The following PLGRKT variants were observed in gnomAD, a reference collection of about 807,000 sequenced individuals.
PLGRKT encodes plasminogen receptor with a C-terminal lysine, also known as plasminogen receptor (KT).
A neutral mutation model predicts 18.5 loss-of-function variants in PLGRKT; 22 were observed. That is an observed-to-expected ratio of 1.19 (90% CI 0.85 to 1.70). The LOEUF is 1.70. Ranked by LOEUF, PLGRKT falls within the 40% of genes most tolerant of loss-of-function variation. The probability of loss-of-function intolerance (pLI) is 0.00; values close to 1 mark genes in which losing one functional copy is unlikely to be tolerated. For missense variants in PLGRKT, 235 were observed against 174.4 expected, an observed-to-expected ratio of 1.35 and a Z score of -1.96; for synonymous variants, 72 against 52.8, an observed-to-expected ratio of 1.36 and a Z score of -1.58.
At chr9:5,411,171 G>T (rs946430449) in intron 3 of PLGRKT, among the ~76,000 whole-genome samples, 40 of 151,988 alleles carry the variant, frequency 2.6e-4, no homozygotes, top group Admixed American at 2.6e-3. Flanking sequence ...ACCACCTGAG[G>T]TCGGGAGTTT....
At chr9:5,432,011 T>A in intron 2 of PLGRKT, 28 bp from the exon 3 acceptor site, 1 of 963,134 alleles carries the variant, frequency 1.0e-6, no homozygotes, top group Non-Finnish European at 1.7e-6. Context: ...CAAGGAGACT[T>A]ATAATAATAC....
intron 3 of PLGRKT, among the ~76,000 whole-genome samples, chr9:5,393,540 T>A (rs181739215): frequency 2.0e-5 from 3 of 152,030 alleles, no homozygotes; most frequent in African/African-American, 7.3e-5. Context: ...TTAGTCATTT[T>A]ACTCAGCAAC....
chr9:5,433,957 G>C (rs914981516), intron 2 of PLGRKT, among the ~76,000 whole-genome samples: 1 of 123,800 alleles, frequency 8.1e-6, no homozygotes, highest in Middle Eastern at 7.9e-3. Context: ...CGCCCCGTCT[G>C]GGAGGAAGTG....
chr9:5,403,224 CT>C (rs34557029), intron 3 of PLGRKT, among the ~76,000 whole-genome samples: 268 of 135,108 alleles, frequency 2.0e-3, no homozygotes, highest in Middle Eastern at 3.7e-3. Context: ...ATTCTTTTTT[CT>C]TTTTTTTTTT....
rs144869987 is a variant in PLGRKT, at chr9:5,431,972, C to T, written c.6G>A (p.Gly2=). The T allele has an allele frequency of 2.4e-5, 36 of 1,479,000 alleles. No homozygotes were observed. In the African/African-American group the frequency reaches 5.0e-4, roughly 20 times the overall value. 91.6% of individuals were successfully genotyped at this position (1,479,000 alleles called of 1,614,324 possible). Residue 2 remains glycine (G), a synonymous_variant, in exon 3 of 6, where the codon GGG becomes GGA. Coordinates refer to ENST00000223864, the MANE Select transcript of PLGRKT (RefSeq NM_018465.4). The part of the protein sequence containing the change: M[G]FIFSKSMNES... ...CATTCATAGATTTTGAAAATATAAA[C>T]CCCATTTTGACCTAAAATGTAAAAA... is the stretch of plus-strand genomic sequence containing the variant.
intron 3 of PLGRKT, among the ~76,000 whole-genome samples, chr9:5,393,521 C>G (rs1189055033): frequency 6.6e-6 from 1 of 151,760 alleles, no homozygotes; most frequent in Non-Finnish European, 1.5e-5. Context: ...TTAGTAAGGT[C>G]TCTCAACATT....
intron 3 of PLGRKT, among the ~76,000 whole-genome samples, chr9:5,381,405 G>A (rs567315587): frequency 3.9e-5 from 6 of 152,344 alleles, no homozygotes; most frequent in African/African-American, 1.4e-4. Context: ...TACAGCTCAG[G>A]TCATTGCTTC....
At chr9:5,424,562 C>T (rs986147689) in intron 3 of PLGRKT, among the ~76,000 whole-genome samples, 44 of 125,544 alleles carry the variant, frequency 3.5e-4, no homozygotes, top group Admixed American at 1.5e-3. Flanking sequence ...TTATATAATA[C>T]AATATAATAT....
chr9:5,420,773 C>T (rs1017747843), intron 3 of PLGRKT, among the ~76,000 whole-genome samples: 1 of 152,188 alleles, frequency 6.6e-6, no homozygotes, highest in Non-Finnish European at 1.5e-5. Flanking sequence ...TCTAAAAGCA[C>T]ACACTGCACT....
At chr9:5,427,830 A>G (rs896438050) in intron 3 of PLGRKT, among the ~76,000 whole-genome samples, 4 of 152,246 alleles carry the variant, frequency 2.6e-5, no homozygotes, top group Non-Finnish European at 5.9e-5. Flanking sequence ...TGGCTGGGTT[A>G]CAGGACGTGA....
At position 5,435,321 on chromosome 9, in the gene PLGRKT, T is replaced by TAA. The variant is rs61099125; in HGVS notation, c.-7+1246_-7+1247dup. On this transcript the variant is annotated intron_variant, in intron 2 of 5. Transcript: ENST00000223864. ...ACACCCAAGAATGATCAATAAATAC[T>TAA]AAAAAAAAAAAAAAAAAGAAGAAGA... is the stretch of plus-strand genomic sequence containing the variant. 4.6e-3 allele frequency among the ~76,000 whole-genome samples: 589 copies of TAA among 127,728 alleles called. 13 individuals are homozygous for TAA. Among genetic ancestry groups the TAA allele is most frequent in the African/African-American group, 0.014 (474 of 33,190 alleles). 83.8% of individuals were successfully genotyped at this position (127,728 alleles called of 152,430 possible).
intron 3 of PLGRKT, among the ~76,000 whole-genome samples, chr9:5,424,373 TAATA>T (rs1375708274): frequency 7.5e-6 from 1 of 132,526 alleles, no homozygotes; most frequent in Non-Finnish European, 1.5e-5. Flanking sequence ...CATAATGTAA[TAATA>T]TATAACATAT....
At chr9:5,367,898 A>T (rs1817430187) in intron 3 of PLGRKT, among the ~76,000 whole-genome samples, 1 of 152,184 alleles carries the variant, frequency 6.6e-6, no homozygotes, top group Admixed American at 6.5e-5. Context: ...ATAAGCAAAA[A>T]CCAAATAATC....
intron 3 of PLGRKT, among the ~76,000 whole-genome samples, chr9:5,387,345 C>G (rs1026252665): frequency 6.6e-6 from 1 of 151,814 alleles, no homozygotes; most frequent in African/African-American, 2.4e-5. Flanking sequence ...GGAATGAACA[C>G]ATTTTCATTC....
chr9:5,389,343 G>C (rs375829609), intron 3 of PLGRKT, among the ~76,000 whole-genome samples: 3 of 151,978 alleles, frequency 2.0e-5, no homozygotes, highest in East Asian at 3.9e-4. Flanking sequence ...CTTGTTTTAT[G>C]TCTTTGTTCA....
chr9:5,424,466 A>T (rs538145647), intron 3 of PLGRKT, among the ~76,000 whole-genome samples: 1 of 130,592 alleles, frequency 7.7e-6, no homozygotes, highest in African/African-American at 2.9e-5. Context: ...AACATAATAT[A>T]TAACATATTA....
At chr9:5,394,158 A>G (rs780162784) in intron 3 of PLGRKT, among the ~76,000 whole-genome samples, 2 of 151,854 alleles carry the variant, frequency 1.3e-5, no homozygotes, top group Admixed American at 6.5e-5. Flanking sequence ...CAAAGGCAAA[A>G]TGATCTAGAC....
At position 5,418,475 on chromosome 9, in the gene PLGRKT, C is replaced by A. The variant is rs573099085; in HGVS notation, c.81+13422G>T. Reference sequence around the variant, plus strand: ...CAAGCCACCAAGATGACAGTGCACACCCTCAACCACATGGAGCTTTTCACC... The same window carrying A: ...CAAGCCACCAAGATGACAGTGCACAACCTCAACCACATGGAGCTTTTCACC... On this transcript the variant is annotated intron_variant, in intron 3 of 5. Coordinates refer to ENST00000223864, the MANE Select transcript of PLGRKT (RefSeq NM_018465.4). The surrounding 1 kb of genome is among the most constrained non-coding windows in gnomAD (Gnocchi z 4.2). 5 of 1,088,304 alleles carry A rather than the reference C, an allele frequency of 4.6e-6. No individual in the cohort carries two copies. The highest frequency in any genetic ancestry group is 4.6e-5 in the African/African-American group (3 of 65,574). The allele number at this position is 1,088,304 out of a possible 1,614,324, so 67.4% of individuals were successfully genotyped here. A position where few individuals can be genotyped will look rare whatever the true frequency, so the allele number is the denominator to read the frequency against.
chr9:5,378,447 C>T (rs942688387), intron 3 of PLGRKT, among the ~76,000 whole-genome samples: 2 of 152,122 alleles, frequency 1.3e-5, no homozygotes, highest in Non-Finnish European at 2.9e-5. Flanking sequence ...TCTCATAATC[C>T]TAATGTTGAA....
Sources: gnomAD v4.1 joint callset for allele counts (sites outside exome capture counted in the v4.1 genomes callset) on GRCh38, gnomAD v4.1.1 for gene constraint, Gnocchi (gnomAD v3.1) non-coding constraint, MANE v1.5 for transcripts, NCBI Gene and HGNC (gene_info 2026-07-23, HGNC 2026-07-21) for gene names.